The following DMD variants were observed in gnomAD, a reference collection of about 807,000 sequenced individuals.
The protein encoded by DMD is dystrophin, also known as mutant dystrophin.
A neutral mutation model predicts 330.1 loss-of-function variants in DMD; 63 were observed. That is an observed-to-expected ratio of 0.19 (90% CI 0.16 to 0.24). The LOEUF (loss-of-function observed/expected upper bound fraction) is 0.24, where lower values mean the gene tolerates loss of function less well. Ranked by LOEUF, DMD falls within the 10% of genes least tolerant of loss-of-function variation. The pLI, the probability that DMD is intolerant of heterozygous loss-of-function variation, is 1.00. For missense variants in DMD, 3,344 were observed against 2,684.1 expected, an observed-to-expected ratio of 1.25 and a Z score of -5.43; for synonymous variants, 1,223 against 959.8, an observed-to-expected ratio of 1.27 and a Z score of -5.07.
chrX:32,697,773 T>A (rs1603134277), intron 9 of DMD, 97 bp downstream of exon 9: 1 of 1,123,725 alleles, frequency 8.9e-7, no homozygotes, highest in African/African-American at 1.8e-5. Context: ...CACGAGGAGA[T>A]AAAAGGCACT....
intron 53 of DMD, among the ~76,000 whole-genome samples, chrX:31,674,476 A>C (rs1381799948): frequency 5.3e-5 from 6 of 112,360 alleles, no homozygotes; most frequent in Non-Finnish European, 1.1e-4. Flanking sequence ...TGCTTCAGAT[A>C]GTTTTCAATA....
Position 32,491,390 on chromosome X carries a change from T to C in DMD, c.2509A>G (p.Asn837Asp), listed in dbSNP as rs781490559. 3.3e-6 allele frequency: 4 copies of C among 1,210,030 alleles called. No homozygotes were observed. In the South Asian group the frequency reaches 5.3e-5, roughly 16 times the overall value. Residue 837 changes from asparagine (N) to aspartate (D), a missense_variant, in exon 20 of 79, where the codon AAT (asparagine) becomes GAT (aspartate). Asn to Asp is a conservative substitution (Grantham distance 23). Transcript: ENST00000357033. Reference sequence around the variant, plus strand: ...ATCTGCTCCAATTGTTGTAGCTGATTATAGAAAGCGATGATGTTGTTCTGA... The same window carrying C: ...ATCTGCTCCAATTGTTGTAGCTGATCATAGAAAGCGATGATGTTGTTCTGA... Reference protein sequence around the residue: ...EYQNNIIAFYNQLQQLEQMTT... With the variant: ...EYQNNIIAFYDQLQQLEQMTT...
chrX:33,295,977 T>C (rs978156203), intron 1 of DMD, among the ~76,000 whole-genome samples: 7 of 111,551 alleles, frequency 6.3e-5, no homozygotes, highest in African/African-American at 1.9e-4. Flanking sequence ...GTGACAAATA[T>C]GATACTAAAA....
intron 1 of DMD, among the ~76,000 whole-genome samples, chrX:33,131,721 T>C (rs949309255): frequency 8.9e-5 from 10 of 112,041 alleles, no homozygotes; most frequent in African/African-American, 2.6e-4. Context: ...TAAAAATTCA[T>C]GGGGCCCTCA....
intron 16 of DMD, among the ~76,000 whole-genome samples, chrX:32,556,065 T>C (rs1040968912): frequency 8.9e-5 from 10 of 112,150 alleles, no homozygotes; most frequent in Non-Finnish European, 1.9e-4. Context: ...TTTTGCCATC[T>C]ATCCATCTGA....
chrX:32,222,521 G>A (rs1242590435), intron 43 of DMD, among the ~76,000 whole-genome samples: 1 of 112,240 alleles, frequency 8.9e-6, no homozygotes, highest in Non-Finnish European at 1.9e-5. Context: ...TGATAGACCA[G>A]TAGTTAGATT....
intron 51 of DMD, among the ~76,000 whole-genome samples, chrX:31,760,812 C>T (rs918201148): frequency 4.5e-5 from 5 of 110,295 alleles, no homozygotes; most frequent in Admixed American, 2.9e-4. Context: ...TTTGCATGTA[C>T]GATAATAACA....
At position 31,638,061 on chromosome X, in the gene DMD, G is replaced by A. The variant is rs185051720; in HGVS notation, c.8028-10199C>T. ...GACTGAGTTTCTGTTACTCTTCCAC[G>A]AAAGTTAACAATTTTTTTTCTGAAT... On this transcript the variant is annotated intron_variant, in intron 54 of 78. Transcript: ENST00000357033. 1.7e-3 allele frequency among the ~76,000 whole-genome samples: 193 copies of A among 111,706 alleles called. 7 individuals carry two copies. In the East Asian group the frequency reaches 0.037, roughly 21 times the overall value.
chrX:32,500,140 C>A (rs780083057), intron 19 of DMD, among the ~76,000 whole-genome samples: 1 of 110,505 alleles, frequency 9.0e-6, no homozygotes, highest in Non-Finnish European at 1.9e-5. Flanking sequence ...ACCCCTACCC[C>A]CCAGTGTTCC....
At chrX:32,259,178 TAG>T (rs930519632) in intron 43 of DMD, among the ~76,000 whole-genome samples, 7 of 109,669 alleles carry the variant, frequency 6.4e-5, no homozygotes, top group Non-Finnish European at 1.3e-4. Context: ...TGTTACTTAA[TAG>T]AAACATTCAA....
chrX:32,731,316 G>T (rs2067605026), intron 7 of DMD, among the ~76,000 whole-genome samples: 1 of 112,297 alleles, frequency 8.9e-6, no homozygotes, highest in Non-Finnish European at 1.9e-5. Context: ...AAACTGCAAG[G>T]TGGCAGCAAG....
chrX:31,351,808 T>C (rs969582656), intron 60 of DMD, among the ~76,000 whole-genome samples: 1 of 108,309 alleles, frequency 9.2e-6, no homozygotes, highest in African/African-American at 3.4e-5. Flanking sequence ...AAATGGCTAA[T>C]GTTTATTAAG....
chrX:32,445,530 A>G (rs1461073952), intron 27 of DMD, among the ~76,000 whole-genome samples: 1 of 110,848 alleles, frequency 9.0e-6, no homozygotes, highest in Non-Finnish European at 1.9e-5. Context: ...TGATTAAGTT[A>G]TGATATTTAA....
chrX:32,419,417 C>G (rs184531270), intron 29 of DMD, among the ~76,000 whole-genome samples: 2 of 112,057 alleles, frequency 1.8e-5, no homozygotes, highest in African/African-American at 6.5e-5. Context: ...AACCATGTTG[C>G]TTTAACCCAC....
At chrX:31,767,871 A>C (rs1440007490) in intron 51 of DMD, among the ~76,000 whole-genome samples, 1 of 112,266 alleles carries the variant, frequency 8.9e-6, no homozygotes. Context: ...ACAACAACAA[A>C]AATTAAACTC....
chrX:31,762,130 T>C (rs1234572395), intron 51 of DMD, among the ~76,000 whole-genome samples: 3 of 112,465 alleles, frequency 2.7e-5, no homozygotes, highest in African/African-American at 9.7e-5. Flanking sequence ...AACTCTTCTG[T>C]GTGGGGCTGC....
chrX:31,290,426 A>G (rs1389472091), intron 62 of DMD, among the ~76,000 whole-genome samples: 1 of 111,142 alleles, frequency 9.0e-6, no homozygotes, highest in Non-Finnish European at 1.9e-5. Flanking sequence ...CATAAATACA[A>G]TTATGCAATC....
At chrX:32,542,653 C>T (rs111931725) in intron 17 of DMD, among the ~76,000 whole-genome samples, 47 of 112,057 alleles carry the variant, frequency 4.2e-4, no homozygotes, top group South Asian at 2.6e-3. Flanking sequence ...GATACAAAAA[C>T]GGGGCACTAG....
intron 7 of DMD, among the ~76,000 whole-genome samples, chrX:32,712,536 C>G (rs1317658630): frequency 1.8e-5 from 2 of 111,373 alleles, no homozygotes; most frequent in Non-Finnish European, 3.8e-5. Context: ...TTACATGAAC[C>G]CTCATAATAA....
Sources: gnomAD v4.1 joint callset for allele counts (sites outside exome capture counted in the v4.1 genomes callset) on GRCh38, gnomAD v4.1.1 for gene constraint, MANE v1.5 for transcripts, NCBI Gene and HGNC (gene_info 2026-07-23, HGNC 2026-07-21) for gene names.